UNC5C: variants seen among roughly 807,000 people sequenced by gnomAD.
The protein encoded by UNC5C is unc-5 netrin receptor C.
UNC5C carries 47 observed loss-of-function variants against 99.8 expected under a neutral mutation model. The observed-to-expected ratio is 0.47, with a 90% CI of 0.37 to 0.60. The LOEUF (loss-of-function observed/expected upper bound fraction) is 0.60, where lower values mean the gene tolerates loss of function less well. Among genes scored for constraint, UNC5C ranks in the 20% least tolerant of loss-of-function variants. The pLI is 0.00. For missense variants in UNC5C, 1,062 were observed against 1,165.9 expected, an observed-to-expected ratio of 0.91 and a Z score of 1.30; for synonymous variants, 487 against 452.2, an observed-to-expected ratio of 1.08 and a Z score of -0.98.
intron 1 of UNC5C, among the ~76,000 whole-genome samples, chr4:95,410,387 G>T (rs1745946133): frequency 6.6e-6 from 1 of 152,194 alleles, no homozygotes. Flanking sequence ...GGGGTTACCT[G>T]CCTTCTCTTA....
At chr4:95,251,459 T>A (rs2149382310) in intron 4 of UNC5C, among the ~76,000 whole-genome samples, 1 of 152,322 alleles carries the variant, frequency 6.6e-6, no homozygotes. Context: ...TTTTTTTCTA[T>A]GTGAATAATA....
At chr4:95,219,673 G>A (rs1482023170) in intron 8 of UNC5C, among the ~76,000 whole-genome samples, 1 of 152,100 alleles carries the variant, frequency 6.6e-6, no homozygotes, top group Non-Finnish European at 1.5e-5. Context: ...TCTATTCATA[G>A]CAATACAAGA....
At chr4:95,175,227 CATTTAG>C in intron 14 of UNC5C, among the ~76,000 whole-genome samples, 1 of 151,176 alleles carries the variant, frequency 6.6e-6, no homozygotes, top group Non-Finnish European at 1.5e-5. Context: ...TTAATTGGAG[CATTTAG>C]TCCATTTACA....
chr4:95,289,083 T>C lies in UNC5C; in HGVS notation c.491-10721A>G, dbSNP rs186478171. On this transcript the variant is annotated intron_variant, in intron 3 of 15. Coordinates refer to ENST00000453304, the MANE Select transcript of UNC5C (RefSeq NM_003728.4). ...TTCTTCATCCATAAAATGAAGATAA[T>C]TCTATTACATATTGTATAGGATTAC... 1.1e-3 allele frequency among the ~76,000 whole-genome samples: 166 copies of C among 152,322 alleles called. 1 individual carries two copies. The highest frequency in any genetic ancestry group is 3.9e-3 in the African/African-American group (163 of 41,568).
chr4:95,536,627 T>C lies in UNC5C; in HGVS notation c.124+12107A>G, dbSNP rs77291634. On this transcript the variant is annotated intron_variant, in intron 1 of 15. Coordinates refer to ENST00000453304, the MANE Select transcript of UNC5C (RefSeq NM_003728.4). ...TGTGTGGCCAAATACAATGACATTCTTTATTCATTTCACAATAGAATTAAG... is the reference window on the plus strand; with the variant it reads ...TGTGTGGCCAAATACAATGACATTCCTTATTCATTTCACAATAGAATTAAG... Among the ~76,000 whole-genome samples, 917 of 152,312 alleles carry C rather than the reference T, an allele frequency of 6.0e-3. 10 individuals carry two copies. Among genetic ancestry groups the C allele is most frequent in the African/African-American group, 0.021 (864 of 41,572 alleles).
chr4:95,215,291 CAAT>C (rs1369067151), intron 10 of UNC5C, among the ~76,000 whole-genome samples: 3 of 152,202 alleles, frequency 2.0e-5, no homozygotes, highest in African/African-American at 7.2e-5. Flanking sequence ...TTGGGAAAAA[CAAT>C]GATAATTACA....
chr4:95,286,580 G>C lies in UNC5C; in HGVS notation c.491-8218C>G, dbSNP rs897985031. Among the ~76,000 whole-genome samples, 53 of 152,226 alleles carry C rather than the reference G, an allele frequency of 3.5e-4. 1 individual carries two copies. The highest frequency in any genetic ancestry group is 1.2e-3 in the African/African-American group (51 of 41,460). On this transcript the variant is annotated intron_variant, in intron 3 of 15. Coordinates refer to ENST00000453304, the MANE Select transcript of UNC5C (RefSeq NM_003728.4). ...CTCACTTTTGTACCAGCTGATGGCTGACATTGTCTAGCACAGGACTTGAGT... is the reference window on the plus strand; with the variant it reads ...CTCACTTTTGTACCAGCTGATGGCTCACATTGTCTAGCACAGGACTTGAGT...
intron 3 of UNC5C, among the ~76,000 whole-genome samples, chr4:95,283,890 C>T (rs1741145055): frequency 6.6e-6 from 1 of 152,120 alleles, no homozygotes; most frequent in Non-Finnish European, 1.5e-5. Context: ...ATTGATTCTG[C>T]CAATTAAAAG....
In UNC5C at chr4:95,527,389, T is replaced by C. The variant is rs79793503; in HGVS notation, c.124+21345A>G. Among the ~76,000 whole-genome samples, 285 of 152,208 alleles carry C rather than the reference T, an allele frequency of 1.9e-3. 5 individuals are homozygous for C. In the East Asian group the frequency reaches 0.047, roughly 25 times the overall value. ...ACTTTAAATCACAAAAATATACAAC[T>C]GCAAATCAGGACTTCTGATCAGTGT... On this transcript the variant is annotated intron_variant, in intron 1 of 15. Coordinates refer to ENST00000453304, the MANE Select transcript of UNC5C (RefSeq NM_003728.4).
chr4:95,480,578 A>G (rs999001838), intron 1 of UNC5C, among the ~76,000 whole-genome samples: 5 of 151,990 alleles, frequency 3.3e-5, no homozygotes, highest in Non-Finnish European at 5.9e-5. Flanking sequence ...GATGATCACA[A>G]TGGAATTCGC....
At chr4:95,212,394 C>G (rs1000980957) in intron 10 of UNC5C, among the ~76,000 whole-genome samples, 3 of 152,180 alleles carry the variant, frequency 2.0e-5, no homozygotes, top group Non-Finnish European at 4.4e-5. Flanking sequence ...CTATTTATAC[C>G]GCGGTTTGTC....
chr4:95,424,518 C>CTTTTTTTT (rs536039867), intron 1 of UNC5C, among the ~76,000 whole-genome samples: 731 of 67,916 alleles, frequency 0.011, 89 homozygotes, highest in African/African-American at 0.04. Flanking sequence ...TTTTTCTTTT[C>CTTTTTTTT]TTTTTTTTTT....
intron 1 of UNC5C, among the ~76,000 whole-genome samples, chr4:95,399,036 C>A (rs1745607462): frequency 6.6e-6 from 1 of 152,090 alleles, no homozygotes; most frequent in African/African-American, 2.4e-5. Context: ...CTGAAATCAT[C>A]AAAAATAAGG....
chr4:95,164,073 T>C lies in UNC5C; in HGVS notation c.*5161A>G, dbSNP rs10155123. ...AGGAAAACCTAGGAACCATGACTTA[T>C]GAAGACTGGCTGTTAAAGTAGCATT... On this transcript the variant is annotated 3_prime_UTR_variant, in exon 16 of 16. Coordinates refer to ENST00000453304, the MANE Select transcript of UNC5C (RefSeq NM_003728.4). The C allele has an allele frequency of 0.44, 66,544 of 152,066 alleles. 17,065 individuals are homozygous for C. Among genetic ancestry groups the C allele is most frequent in the Admixed American group, 0.58 (8,896 of 15,254 alleles). The allele number at this position is 152,066 out of a possible 1,614,324, so 9.4% of individuals were successfully genotyped here.
chr4:95,213,139 G>A (rs1409930179), intron 10 of UNC5C, among the ~76,000 whole-genome samples: 1 of 152,186 alleles, frequency 6.6e-6, no homozygotes, highest in Admixed American at 6.5e-5. Context: ...ATTTACCTTT[G>A]TATTTGCAAT....
At chr4:95,194,800 A>G (rs1256490456) in intron 12 of UNC5C, among the ~76,000 whole-genome samples, 3 of 152,296 alleles carry the variant, frequency 2.0e-5, no homozygotes, top group Middle Eastern at 3.4e-3. Flanking sequence ...TAACCTGTAA[A>G]CATCCTTGGG....
intron 4 of UNC5C, among the ~76,000 whole-genome samples, chr4:95,265,961 C>T (rs1351920485): frequency 6.6e-6 from 1 of 152,098 alleles, no homozygotes; most frequent in African/African-American, 2.4e-5. Flanking sequence ...TTGCCTCTTC[C>T]CTAGAACTAA....
Position 95,165,688 on chromosome 4 carries a change from A to G in UNC5C, c.*3546T>C, listed in dbSNP as rs1735832978. 1 of 152,204 alleles carries G rather than the reference A, an allele frequency of 6.6e-6. No individual in the cohort carries two copies. The highest frequency in any genetic ancestry group is 6.5e-5 in the Admixed American group (1 of 15,274). The allele number at this position is 152,204 out of a possible 1,614,324, so 9.4% of individuals were successfully genotyped here. A position where few individuals can be genotyped will look rare whatever the true frequency, so the allele number is the denominator to read the frequency against. ...TAACAACCCCAATTTTCTCTTCCCTAGACATAGTATTCCATTCGCATATAT... is the reference window on the plus strand; with the variant it reads ...TAACAACCCCAATTTTCTCTTCCCTGGACATAGTATTCCATTCGCATATAT... On this transcript the variant is annotated 3_prime_UTR_variant, in exon 16 of 16. Coordinates refer to ENST00000453304, the MANE Select transcript of UNC5C (RefSeq NM_003728.4).
intron 1 of UNC5C, among the ~76,000 whole-genome samples, chr4:95,429,602 C>T (rs978733791): frequency 5.3e-5 from 8 of 152,030 alleles, no homozygotes; most frequent in South Asian, 2.1e-4. Flanking sequence ...CTTTCCATTT[C>T]GAGGTGTTTG....
Sources: allele counts gnomAD v4.1 joint callset (sites outside exome capture counted in the v4.1 genomes callset), GRCh38; gene constraint gnomAD v4.1.1; transcripts MANE v1.5; gene names NCBI Gene and HGNC (gene_info 2026-07-23, HGNC 2026-07-21).